The following CNGB3 variants were observed in gnomAD, a reference collection of about 807,000 sequenced individuals.
The protein encoded by CNGB3 is cyclic nucleotide-gated channel beta-3.
A neutral mutation model predicts 92.8 loss-of-function variants in CNGB3; 86 were observed. The ratio of observed to expected loss-of-function variants is 0.93; its 90% CI spans 0.78 to 1.11. The LOEUF (loss-of-function observed/expected upper bound fraction) is 1.11. Among genes scored for constraint, CNGB3 ranks in the 50% least tolerant of loss-of-function variants. CNGB3 has a pLI of 0.00. For missense variants in CNGB3, 1,026 were observed against 956.8 expected, an observed-to-expected ratio of 1.07 and a Z score of -0.95; for synonymous variants, 333 against 332.7, an observed-to-expected ratio of 1.00 and a Z score of -0.01.
intron 3 of CNGB3, among the ~76,000 whole-genome samples, chr8:86,725,241 G>T (rs1431534841): frequency 2.0e-5 from 3 of 152,128 alleles, no homozygotes; most frequent in Non-Finnish European, 4.4e-5. Flanking sequence ...GGAAGTAAAA[G>T]TTCTCTTTGG....
rs1362323411 is a variant in CNGB3 at position 86,667,025 on chromosome 8, T to C, written c.752A>G (p.His251Arg). Reference protein sequence around the residue: ...VFPYQTADNIHYWLIADIICD... With the variant: ...VFPYQTADNIRYWLIADIICD... ...TATGATGTCCGCAATAAGCCAGTAGTGTATGTTGTCTGCGGTTTGATATGG... is the reference window on the plus strand; with the variant it reads ...TATGATGTCCGCAATAAGCCAGTAGCGTATGTTGTCTGCGGTTTGATATGG... The change falls in exon 6 of 18, where the codon CAC becomes CGC. Residue 251 changes from histidine to arginine, a missense_variant. Physicochemically the swap from His to Arg is conservative, Grantham distance 29. Transcript: ENST00000320005. 2 of 1,613,912 alleles carry C rather than the reference T, an allele frequency of 1.2e-6. No individual in the cohort carries two copies. The highest frequency in any genetic ancestry group is 1.7e-4 in the Middle Eastern group (1 of 6,010).
At chr8:86,661,846 G>T (rs551098092) in intron 6 of CNGB3, 11 of 1,323,752 alleles carry the variant, frequency 8.3e-6, no homozygotes, top group Admixed American at 6.9e-5. Context: ...TCTTCTGGAC[G>T]TTCCAGAACT....
chr8:86,724,894 G>C (rs1825033500), intron 3 of CNGB3, among the ~76,000 whole-genome samples: 1 of 152,072 alleles, frequency 6.6e-6, no homozygotes, highest in Admixed American at 6.6e-5. Flanking sequence ...AGAGAGGTGG[G>C]AAAGTTGTGT....
In CNGB3 at chr8:86,575,546, A is replaced by C. The variant is rs1482120244; in HGVS notation, c.*258T>G. 5.4e-6 allele frequency: 2 copies of C among 369,744 alleles called. No individual in the cohort carries two copies. Among genetic ancestry groups the C allele is most frequent in the Non-Finnish European group, 9.7e-6 (2 of 207,212 alleles). 22.9% of individuals were successfully genotyped at this position (369,744 alleles called of 1,614,324 possible). ...TCAGGAAAGAACCAAAGGAAAAGGA[A>C]ACTTACTACATACAATTAGAAGATA... On this transcript the variant is annotated 3_prime_UTR_variant, in exon 18 of 18. Transcript: ENST00000320005.
intron 3 of CNGB3, among the ~76,000 whole-genome samples, chr8:86,686,600 A>C (rs146197366): frequency 6.6e-6 from 1 of 152,068 alleles, no homozygotes; most frequent in Non-Finnish European, 1.5e-5. Context: ...TCCTTTTGGA[A>C]ACTGAAATCT....
At chr8:86,581,555 C>T (rs1341476277) in intron 15 of CNGB3, among the ~76,000 whole-genome samples, 2 of 152,114 alleles carry the variant, frequency 1.3e-5, no homozygotes, top group Non-Finnish European at 2.9e-5. Context: ...AATACTTTAC[C>T]AGAGCTTTGT....
chr8:86,635,896 C>CTTAAAGA (rs1823063184), intron 10 of CNGB3, among the ~76,000 whole-genome samples: 1 of 125,234 alleles, frequency 8.0e-6, no homozygotes, highest in Admixed American at 8.6e-5. Context: ...ATACTTAAAG[C>CTTAAAGA]AGTAAGGCAG....
chr8:86,693,942 G>A (rs533066488), intron 3 of CNGB3, among the ~76,000 whole-genome samples: 1,490 of 142,620 alleles, frequency 0.01, 18 homozygotes, highest in Non-Finnish European at 0.015. Flanking sequence ...ATCATGGCCC[G>A]TTCTCAATGA....
At chr8:86,626,170 G>A in intron 12 of CNGB3, 90 bp from the exon 13 acceptor site, 2 of 966,958 alleles carry the variant, frequency 2.1e-6, no homozygotes, top group Middle Eastern at 2.1e-4. Context: ...TTAAAATAAA[G>A]GAAACAAAAT....
chr8:86,710,888 T>C (rs900070637), intron 3 of CNGB3, among the ~76,000 whole-genome samples: 10 of 152,192 alleles, frequency 6.6e-5, no homozygotes, highest in Non-Finnish European at 1.3e-4. Context: ...TTAATGAATG[T>C]TTTTCCTGTT....
chr8:86,674,168 G>A (rs1823919328), intron 3 of CNGB3, among the ~76,000 whole-genome samples: 1 of 152,112 alleles, frequency 6.6e-6, no homozygotes, highest in African/African-American at 2.4e-5. Context: ...ATAAAGTCAG[G>A]TATTCAAACT....
At chr8:86,647,928 G>T in intron 7 of CNGB3, 41 bp from the exon 8 acceptor site, 1 of 1,149,092 alleles carries the variant, frequency 8.7e-7, no homozygotes, top group Non-Finnish European at 1.3e-6. Context: ...GTGTTTACAT[G>T]CCTTTCTGGG....
chr8:86,621,714 C>T (rs559021996), intron 13 of CNGB3, among the ~76,000 whole-genome samples: 78 of 152,290 alleles, frequency 5.1e-4, no homozygotes, highest in Middle Eastern at 6.8e-3. Flanking sequence ...TTAGCTCCCA[C>T]TTATAAATGA....
chr8:86,609,469 C>T (rs1822478030), intron 14 of CNGB3, among the ~76,000 whole-genome samples: 1 of 152,146 alleles, frequency 6.6e-6, no homozygotes, highest in African/African-American at 2.4e-5. Context: ...CCATTTTCCC[C>T]CTTCATCTCT....
At chr8:86,622,623 C>G (rs937369187) in intron 13 of CNGB3, among the ~76,000 whole-genome samples, 3 of 152,092 alleles carry the variant, frequency 2.0e-5, no homozygotes, top group African/African-American at 7.2e-5. Context: ...TTATGTTGCC[C>G]AGGCTGATCT....
chr8:86,594,170 A>T (rs906486757), intron 15 of CNGB3: 1 of 278,418 alleles, frequency 3.6e-6, no homozygotes, highest in African/African-American at 2.2e-5. Context: ...TGTGTCTCCA[A>T]CGATCACCCA....
chr8:86,582,175 A>C (rs1419941823), intron 15 of CNGB3, among the ~76,000 whole-genome samples: 2 of 152,128 alleles, frequency 1.3e-5, no homozygotes, highest in Non-Finnish European at 2.9e-5. Flanking sequence ...TGGGTGGATC[A>C]CTTGAGCTCA....
chr8:86,640,463 C>T (rs1170150697), intron 10 of CNGB3, among the ~76,000 whole-genome samples: 1 of 151,964 alleles, frequency 6.6e-6, no homozygotes, highest in East Asian at 1.9e-4. Context: ...CCAAACTAGC[C>T]AGTTTTATCC....
At chr8:86,601,249 C>A (rs1822291767) in intron 15 of CNGB3, among the ~76,000 whole-genome samples, 1 of 152,102 alleles carries the variant, frequency 6.6e-6, no homozygotes, top group South Asian at 2.1e-4. Context: ...AAACAGAATG[C>A]AGACAGGAAG....
Sources: allele counts gnomAD v4.1 joint callset (sites outside exome capture counted in the v4.1 genomes callset), GRCh38; gene constraint gnomAD v4.1.1; transcripts MANE v1.5; gene names NCBI Gene and HGNC (gene_info 2026-07-23, HGNC 2026-07-21).